The following SIK3 variants were observed in gnomAD, a reference collection of about 807,000 sequenced individuals.
The protein encoded by SIK3 is serine/threonine-protein kinase SIK3.
A neutral mutation model predicts 144.2 loss-of-function variants in SIK3; 28 were observed. That is an observed-to-expected ratio of 0.19 (90% CI 0.14 to 0.27). The LOEUF (loss-of-function observed/expected upper bound fraction) is 0.27, where lower values mean the gene tolerates loss of function less well. Among genes scored for constraint, SIK3 ranks in the 10% least tolerant of loss-of-function variants. The probability of loss-of-function intolerance (pLI) is 1.00; values close to 1 mark genes in which losing one functional copy is unlikely to be tolerated. For synonymous variants in SIK3, 686 were observed against 676.3 expected, an observed-to-expected ratio of 1.01 and a Z score of -0.22; for missense variants, 1,319 against 1,776.0, an observed-to-expected ratio of 0.74 and a Z score of 4.62.
At chr11:117,001,449 T>G (rs1364114913) in intron 1 of SIK3, among the ~76,000 whole-genome samples, 1 of 151,746 alleles carries the variant, frequency 6.6e-6, no homozygotes, top group East Asian at 1.9e-4. Context: ...GAGGTTGCAG[T>G]GAGCTGAGAT....
chr11:116,924,207 T>C (rs1008111763), intron 4 of SIK3, among the ~76,000 whole-genome samples: 1 of 151,190 alleles, frequency 6.6e-6, no homozygotes, highest in African/African-American at 2.4e-5. Context: ...GGTAGGAGAA[T>C]CGCTTGAACC....
chr11:116,941,463 T>G (rs1948302755), intron 3 of SIK3, among the ~76,000 whole-genome samples: 1 of 149,414 alleles, frequency 6.7e-6, no homozygotes, highest in Non-Finnish European at 1.5e-5. Flanking sequence ...CAAACAAATG[T>G]GTTGTATTCT....
chr11:116,941,915 T>C (rs1048342478), intron 3 of SIK3, among the ~76,000 whole-genome samples: 1 of 152,220 alleles, frequency 6.6e-6, no homozygotes, highest in African/African-American at 2.4e-5. Context: ...TTCTCAATTC[T>C]GTTTGTAACA....
intron 4 of SIK3, among the ~76,000 whole-genome samples, chr11:116,915,676 G>A (rs7952718): frequency 0.039 from 5,889 of 152,106 alleles, 363 homozygotes; most frequent in African/African-American, 0.13. Flanking sequence ...TGTTTCTTGA[G>A]GCCCTAGAAA....
intron 1 of SIK3, among the ~76,000 whole-genome samples, chr11:116,967,701 C>T (rs1170815365): frequency 2.0e-5 from 3 of 152,164 alleles, no homozygotes; most frequent in African/African-American, 4.8e-5. Context: ...AATGCATCCT[C>T]GGATGTCAGT....
At chr11:116,966,710 A>G (rs1949560399) in intron 1 of SIK3, among the ~76,000 whole-genome samples, 1 of 152,148 alleles carries the variant, frequency 6.6e-6, no homozygotes, top group South Asian at 2.1e-4. Flanking sequence ...GAAAAATGTC[A>G]AAGTTATGGT....
intron 3 of SIK3, among the ~76,000 whole-genome samples, chr11:116,932,019 C>T (rs1947634582): frequency 6.6e-5 from 10 of 152,198 alleles, no homozygotes; most frequent in Admixed American, 6.5e-4. Flanking sequence ...CCTCCATTGA[C>T]CAGGCCAAAA....
intron 1 of SIK3, among the ~76,000 whole-genome samples, chr11:117,015,323 G>A (rs1056892518): frequency 6.6e-6 from 1 of 152,126 alleles, no homozygotes; most frequent in Non-Finnish European, 1.5e-5. Context: ...GTTGACAACA[G>A]CAAGTGTTAG....
chr11:116,957,578 T>C (rs1949187343), intron 1 of SIK3, among the ~76,000 whole-genome samples: 2 of 152,202 alleles, frequency 1.3e-5, no homozygotes, highest in Admixed American at 1.3e-4. Context: ...GTAGCAGTGA[T>C]GGTGGTGGCA....
chr11:116,854,482 C>A (rs1942712973), intron 21 of SIK3, among the ~76,000 whole-genome samples: 1 of 152,252 alleles, frequency 6.6e-6, no homozygotes, highest in Non-Finnish European at 1.5e-5. Flanking sequence ...CCTAGCACTT[C>A]ATAGCAAAGC....
intron 17 of SIK3, 111 bp from the exon 18 acceptor site, chr11:116,862,037 C>A: frequency 1.6e-6 from 2 of 1,258,986 alleles, no homozygotes; most frequent in Non-Finnish European, 2.3e-6. Flanking sequence ...CAGATTTATG[C>A]TTTTGTTGTT....
intron 1 of SIK3, among the ~76,000 whole-genome samples, chr11:116,997,742 T>C (rs1484490374): frequency 1.3e-5 from 2 of 152,168 alleles, no homozygotes; most frequent in Non-Finnish European, 2.9e-5. Context: ...AAATGTACAA[T>C]GTAAAGAAAA....
chr11:117,028,887 G>A (rs375342919), intron 1 of SIK3, among the ~76,000 whole-genome samples: 2 of 152,130 alleles, frequency 1.3e-5, no homozygotes. Flanking sequence ...GACAAACTGG[G>A]CCAGGCATGG....
intron 3 of SIK3, among the ~76,000 whole-genome samples, chr11:116,934,157 C>T (rs1243827323): frequency 6.6e-6 from 1 of 152,222 alleles, no homozygotes; most frequent in African/African-American, 2.4e-5. Flanking sequence ...GGTGTACTAT[C>T]TGTCTTCTCC....
At chr11:117,060,040 C>T (rs985331700) in intron 1 of SIK3, among the ~76,000 whole-genome samples, 4 of 152,148 alleles carry the variant, frequency 2.6e-5, no homozygotes, top group Non-Finnish European at 5.9e-5. Flanking sequence ...CCACACAAAA[C>T]CTGCAGACAG....
At chr11:116,934,241 T>C (rs1484217253) in intron 3 of SIK3, among the ~76,000 whole-genome samples, 1 of 152,210 alleles carries the variant, frequency 6.6e-6, no homozygotes, top group Non-Finnish European at 1.5e-5. Flanking sequence ...CAATGAACGG[T>C]ATCTGACGCA....
intron 4 of SIK3, among the ~76,000 whole-genome samples, chr11:116,912,065 ATATAATTTGT>A (rs1441137511): frequency 3.3e-5 from 5 of 152,192 alleles, no homozygotes; most frequent in African/African-American, 1.2e-4. Context: ...GTGGCTCTCA[ATATAATTTGT>A]TAAGTTGCTT....
rs1202020698 is a variant in SIK3, at chr11:117,093,534, GAA to G, written c.273+4607_273+4608del. ...AACCTAATTTAAGTGGACCTCTGGA[GAA>G]AAGACTGCACTCAACTCTGTTCCAT... On this transcript the variant is annotated intron_variant, in intron 1 of 24. Transcript: ENST00000445177. Among the ~76,000 whole-genome samples the G allele has an allele frequency of 2.0e-5, 3 of 152,116 alleles. No individual in the cohort carries two copies. In the East Asian group the frequency reaches 5.8e-4, roughly 29 times the overall value.
chr11:117,090,899 T>C (rs1955214067), intron 1 of SIK3, among the ~76,000 whole-genome samples: 1 of 152,224 alleles, frequency 6.6e-6, no homozygotes, highest in Non-Finnish European at 1.5e-5. Context: ...TCATGACATC[T>C]CGCTTTTGGT....
Sources: allele counts gnomAD v4.1 joint callset (sites outside exome capture counted in the v4.1 genomes callset), GRCh38; gene constraint gnomAD v4.1.1; transcripts MANE v1.5; gene names NCBI Gene and HGNC (gene_info 2026-07-23, HGNC 2026-07-21).